Variants in SDK1 observed in about 807,000 individuals in gnomAD.
SDK1 encodes protein sidekick-1.
In SDK1, 157 loss-of-function variants were observed where a neutral mutation model predicts 245.5. That is an observed-to-expected ratio of 0.64 (90% CI 0.56 to 0.73). The LOEUF is 0.73. Ranked by LOEUF, SDK1 falls within the 30% of genes least tolerant of loss-of-function variation. The pLI is 0.00. For missense variants in SDK1, 3,583 were observed against 3,002.3 expected, an observed-to-expected ratio of 1.19 and a Z score of -4.52; for synonymous variants, 1,647 against 1,278.5, an observed-to-expected ratio of 1.29 and a Z score of -6.15.
chr7:3,930,119 A>G (rs1398043930), intron 5 of SDK1, among the ~76,000 whole-genome samples: 1 of 152,152 alleles, frequency 6.6e-6, no homozygotes, highest in Non-Finnish European at 1.5e-5. Context: ...GCAGCTCGTT[A>G]ACATTTAGGT....
chr7:4,067,571 CAG>C (rs1481154374), intron 19 of SDK1, among the ~76,000 whole-genome samples: 1 of 152,206 alleles, frequency 6.6e-6, no homozygotes, highest in Non-Finnish European at 1.5e-5. Flanking sequence ...AGGAGAAAGA[CAG>C]AGAATGGTTT....
At chr7:3,770,197 C>G (rs1780369611) in intron 4 of SDK1, among the ~76,000 whole-genome samples, 1 of 152,104 alleles carries the variant, frequency 6.6e-6, no homozygotes, top group African/African-American at 2.4e-5. Flanking sequence ...AGAATATTCT[C>G]TAAATGGAGT....
intron 25 of SDK1, among the ~76,000 whole-genome samples, 171 bp downstream of exon 25, chr7:4,114,445 G>C (rs1490783812): frequency 6.6e-6 from 1 of 152,144 alleles, no homozygotes; most frequent in African/African-American, 2.4e-5. Context: ...ATTTCTGTCT[G>C]ATTTCATTAG....
chr7:3,626,596 A>G (rs1978700), intron 2 of SDK1, among the ~76,000 whole-genome samples: 100,132 of 152,092 alleles, frequency 0.66, 33,361 homozygotes, highest in South Asian at 0.78. Context: ...TTCTCTAATT[A>G]CAACTGGTCT....
chr7:3,314,721 T>C (rs932626338), intron 1 of SDK1, among the ~76,000 whole-genome samples: 3 of 152,240 alleles, frequency 2.0e-5, no homozygotes, highest in African/African-American at 4.8e-5. Flanking sequence ...AGTTGTGTTA[T>C]GCTTTTATAT....
intron 4 of SDK1, among the ~76,000 whole-genome samples, chr7:3,802,067 G>A (rs998926907): frequency 6.6e-6 from 1 of 152,124 alleles, no homozygotes; most frequent in African/African-American, 2.4e-5. Context: ...ATTCACAGAA[G>A]GTTGCAAAAA....
At position 3,464,085 on chromosome 7, in the gene SDK1, G is replaced by A. The variant is rs550264096; in HGVS notation, c.299-154995G>A. On this transcript the variant is annotated intron_variant, in intron 1 of 44. Coordinates refer to ENST00000404826, the MANE Select transcript of SDK1 (RefSeq NM_152744.4). Reference sequence around the variant, plus strand: ...TATTTTTACTGTGACTTAACCAATTGTAAAAATTATTCTAAAAATACGCAG... The same window carrying A: ...TATTTTTACTGTGACTTAACCAATTATAAAAATTATTCTAAAAATACGCAG... 3.3e-5 allele frequency among the ~76,000 whole-genome samples: 5 copies of A among 152,232 alleles called. No homozygotes were observed. The East Asian group carries it at 9.6e-4, about 29-fold the overall frequency.
At chr7:3,354,927 A>C (rs562413283) in intron 1 of SDK1, among the ~76,000 whole-genome samples, 1 of 152,192 alleles carries the variant, frequency 6.6e-6, no homozygotes, top group African/African-American at 2.4e-5. Context: ...AAAATAATCC[A>C]CCAGCCAACA....
chr7:3,665,271 C>T (rs1783490765), intron 4 of SDK1, among the ~76,000 whole-genome samples: 1 of 152,170 alleles, frequency 6.6e-6, no homozygotes, highest in South Asian at 2.1e-4. Context: ...GCCTTGAGCC[C>T]CCTCTTTCAC....
intron 40 of SDK1, chr7:4,233,009 AT>A (rs1382651067): frequency 1.2e-5 from 5 of 418,170 alleles, no homozygotes; most frequent in African/African-American, 9.7e-5. Flanking sequence ...CACTATGACC[AT>A]TTCAAGTGTC....
chr7:3,482,495 A>G (rs1359953367), intron 1 of SDK1, among the ~76,000 whole-genome samples: 2 of 152,174 alleles, frequency 1.3e-5, no homozygotes, highest in Admixed American at 6.5e-5. Context: ...TCCGTAATGT[A>G]AAAGGTGAAT....
In SDK1 at chr7:4,183,359, G is replaced by A. The variant is rs145811482; in HGVS notation, c.5098+4773G>A. Among the ~76,000 whole-genome samples, 943 of 152,264 alleles carry A rather than the reference G, an allele frequency of 6.2e-3. 9 individuals are homozygous for A. The highest frequency in any genetic ancestry group is 0.021 in the African/African-American group (887 of 41,548). On this transcript the variant is annotated intron_variant, in intron 35 of 44. Transcript: ENST00000404826. Reference sequence around the variant, plus strand: ...GATTACTTACCCAGCTTACAGGCTGGGTGCGGTGGTTCATGCCTGTCATCC... The same window carrying A: ...GATTACTTACCCAGCTTACAGGCTGAGTGCGGTGGTTCATGCCTGTCATCC...
chr7:4,224,747 G>A (rs1965851), intron 40 of SDK1, among the ~76,000 whole-genome samples: 5 of 152,022 alleles, frequency 3.3e-5, no homozygotes, highest in East Asian at 1.9e-4. Context: ...TTGGGAGGCC[G>A]AGGTGGGCGG....
intron 1 of SDK1, among the ~76,000 whole-genome samples, chr7:3,435,300 T>C (rs956749087): frequency 6.8e-6 from 1 of 147,724 alleles, no homozygotes; most frequent in Non-Finnish European, 1.5e-5. Flanking sequence ...ATTTTGATAC[T>C]TGACTTATGA....
intron 2 of SDK1, among the ~76,000 whole-genome samples, chr7:3,621,551 C>T (rs886460659): frequency 3.9e-5 from 6 of 152,166 alleles, no homozygotes; most frequent in Non-Finnish European, 7.4e-5. Flanking sequence ...CCTTGGATGG[C>T]GGGAAAGGAA....
chr7:3,425,013 A>G (rs1388712077), intron 1 of SDK1, among the ~76,000 whole-genome samples: 1 of 152,190 alleles, frequency 6.6e-6, no homozygotes, highest in Non-Finnish European at 1.5e-5. Context: ...AGCCAAATAA[A>G]TTATTTATTA....
intron 25 of SDK1, among the ~76,000 whole-genome samples, chr7:4,119,034 C>G (rs1199241062): frequency 6.8e-6 from 1 of 147,878 alleles, no homozygotes; most frequent in Non-Finnish European, 1.5e-5. Context: ...TCTGAATTCA[C>G]TAAAAAATGT....
chr7:3,650,360 C>G (rs1256866371), intron 4 of SDK1, among the ~76,000 whole-genome samples: 1 of 152,166 alleles, frequency 6.6e-6, no homozygotes, highest in East Asian at 1.9e-4. Flanking sequence ...CTCCCCACTC[C>G]CTCCTTCCCC....
At chr7:3,374,322 G>C (rs762027731) in intron 1 of SDK1, among the ~76,000 whole-genome samples, 2 of 152,158 alleles carry the variant, frequency 1.3e-5, no homozygotes, top group African/African-American at 4.8e-5. Context: ...CTGCCCCCAA[G>C]CTGTGCACAG....
Sources: allele counts gnomAD v4.1 joint callset (sites outside exome capture counted in the v4.1 genomes callset), GRCh38; gene constraint gnomAD v4.1.1; transcripts MANE v1.5; gene names NCBI Gene and HGNC (gene_info 2026-07-23, HGNC 2026-07-21).